The following RAB5IF variants were observed in gnomAD, a reference collection of about 807,000 sequenced individuals.
RAB5IF encodes RAB5 interacting factor.
RAB5IF carries 15 observed loss-of-function variants against 20.3 expected under a neutral mutation model. That is an observed-to-expected ratio of 0.74 (90% CI 0.50 to 1.14). RAB5IF has a LOEUF of 1.14. RAB5IF is among the 50% of genes most tolerant of loss of function. The pLI is 0.00. For missense variants in RAB5IF, 148 were observed against 159.5 expected, an observed-to-expected ratio of 0.93 and a Z score of 0.39; for synonymous variants, 67 against 63.7, an observed-to-expected ratio of 1.05 and a Z score of -0.25.
rs1555790838 is a variant in RAB5IF, at chr20:36,609,219, G to GCACACA, written c.219-350_219-345dup. ...CGCACACACGCACACACGCACACAC[G>GCACACA]CACACACACACACACACACACACAC... On this transcript the variant is annotated intron_variant, in intron 2 of 3. Transcript: ENST00000344795. 1.1e-3 allele frequency among the ~76,000 whole-genome samples: 45 copies of GCACACA among 42,792 alleles called. 2 individuals carry two copies. Among genetic ancestry groups the GCACACA allele is most frequent in the South Asian group, 1.8e-3 (2 of 1,092 alleles). The allele number at this position is 42,792 out of a possible 152,430, so 28.1% of individuals were successfully genotyped here.
intron 2 of RAB5IF, chr20:36,608,068 A>G (rs768169346): frequency 3.2e-5 from 29 of 906,966 alleles, no homozygotes; most frequent in Non-Finnish European, 4.3e-5. Flanking sequence ...GTCTAAAGTG[A>G]CCTCATGCAA....
chr20:36,608,250 A>G (rs1473982770), intron 2 of RAB5IF: 1 of 268,820 alleles, frequency 3.7e-6, no homozygotes, highest in East Asian at 9.1e-5. Flanking sequence ...AGGTCCCTCC[A>G]TTTTGTTTTT....
intron 2 of RAB5IF, among the ~76,000 whole-genome samples, chr20:36,609,252 C>T (rs1568595774): frequency 6.3e-4 from 85 of 135,928 alleles, no homozygotes; most frequent in African/African-American, 2.6e-3. Flanking sequence ...CACACACACA[C>T]ACACTATATA....
Position 36,612,238 on chromosome 20 carries a change from C to T in RAB5IF, c.*187C>T. The T allele has an allele frequency of 3.1e-6, 5 of 1,610,868 alleles. No homozygotes were observed. Among genetic ancestry groups the T allele is most frequent in the Non-Finnish European group, 4.2e-6 (5 of 1,177,012 alleles). ...TTGTGACCTGAAACTTTTTAAAAACCACCCACCTTTGGGGAAGCATTTCTG... is the reference window on the plus strand; with the variant it reads ...TTGTGACCTGAAACTTTTTAAAAACTACCCACCTTTGGGGAAGCATTTCTG... On this transcript the variant is annotated 3_prime_UTR_variant, in exon 4 of 4. Transcript: ENST00000344795.
At chr20:36,609,185 A>ACACACACACACACACACACACC (rs2039021825) in intron 2 of RAB5IF, among the ~76,000 whole-genome samples, 1 of 47,954 alleles carries the variant, frequency 2.1e-5, no homozygotes, top group Non-Finnish European at 4.1e-5. Flanking sequence ...ACACACACAC[A>ACACACACACACACACACACACC]CACACACACG....
rs2039067842 is a variant in RAB5IF at position 36,609,915 on chromosome 20, C to T, written c.348+185C>T. 11 of 933,922 alleles carry T rather than the reference C, an allele frequency of 1.2e-5. No individual in the cohort carries two copies. In the East Asian group the frequency reaches 2.8e-4, roughly 24 times the overall value. The allele number at this position is 933,922 out of a possible 1,614,324, so 57.9% of individuals were successfully genotyped here. A position where few individuals can be genotyped will look rare whatever the true frequency, so the allele number is the denominator to read the frequency against. On this transcript the variant is annotated intron_variant, in intron 3 of 3. Transcript: ENST00000344795. Reference sequence around the variant, plus strand: ...AGAAGATGTGGTCTGATATACTGTACAGTCCCCTGTAATGTGTAAATCCAG... The same window carrying T: ...AGAAGATGTGGTCTGATATACTGTATAGTCCCCTGTAATGTGTAAATCCAG...
chr20:36,611,515 A>AC (rs986583167), intron 3 of RAB5IF, among the ~76,000 whole-genome samples: 15 of 150,054 alleles, frequency 1.0e-4, no homozygotes, highest in Admixed American at 3.3e-4. Context: ...AAAAAAAAAA[A>AC]CCACAAAACC....
intron 2 of RAB5IF, 193 bp downstream of exon 2, chr20:36,608,011 T>TTACCTTCC (rs1196101945): frequency 6.9e-7 from 1 of 1,448,706 alleles, no homozygotes; most frequent in Non-Finnish European, 9.2e-7. Flanking sequence ...GTCAGGCAGG[T>TTACCTTCC]TACCTTCCTG....
Position 36,612,360 on chromosome 20 carries a change from T to A in RAB5IF, c.*309T>A, listed in dbSNP as rs2039145620. ...TCATTTAATTTGATGCACCTCTGGA[T>A]TCAGATGAAACATTAAATTGTCTTC... is the stretch of plus-strand genomic sequence containing the variant. On this transcript the variant is annotated 3_prime_UTR_variant, in exon 4 of 4. Transcript: ENST00000344795. The A allele has an allele frequency of 1.3e-6, 1 of 771,550 alleles. No homozygotes were observed. Among genetic ancestry groups the A allele is most frequent in the Non-Finnish European group, 2.2e-6 (1 of 456,902 alleles). 47.8% of individuals were successfully genotyped at this position (771,550 alleles called of 1,614,324 possible).
rs1350051802 is a variant in RAB5IF at position 36,609,224 on chromosome 20, C to T, written c.219-377C>T. 5.9e-3 allele frequency among the ~76,000 whole-genome samples: 714 copies of T among 120,168 alleles called. 26 individuals carry two copies. Among genetic ancestry groups the T allele is most frequent in the African/African-American group, 0.024 (660 of 27,346 alleles). The allele number at this position is 120,168 out of a possible 152,430, so 78.8% of individuals were successfully genotyped here. On this transcript the variant is annotated intron_variant, in intron 2 of 3. Transcript: ENST00000344795. ...ACACGCACACACGCACACACGCACA[C>T]ACACACACACACACACACACACACA... is the stretch of plus-strand genomic sequence containing the variant.
At chr20:36,606,364 T>A (rs903230369) in intron 1 of RAB5IF, among the ~76,000 whole-genome samples, 5 of 152,236 alleles carry the variant, frequency 3.3e-5, no homozygotes, top group Non-Finnish European at 7.3e-5. Flanking sequence ...GGGAGCTGAA[T>A]TCGATTCGGC....
intron 2 of RAB5IF, among the ~76,000 whole-genome samples, chr20:36,609,258 A>ACAC (rs1555790847): frequency 3.0e-5 from 3 of 99,150 alleles, no homozygotes; most frequent in Non-Finnish European, 6.2e-5. Flanking sequence ...CACACACACT[A>ACAC]TATATAGAGT....
At chr20:36,607,648 T>G in intron 1 of RAB5IF, 67 bp from the exon 2 acceptor site, 3 of 1,585,754 alleles carry the variant, frequency 1.9e-6, no homozygotes, top group Non-Finnish European at 2.6e-6. Context: ...AGGTTTAATA[T>G]TCTCCCCTTT....
chr20:36,607,921 G>A, intron 2 of RAB5IF, 103 bp downstream of exon 2: 1 of 1,554,580 alleles, frequency 6.4e-7, no homozygotes, highest in East Asian at 2.4e-5. Context: ...AGCTGTGTGT[G>A]TGTGTGATGA....
At chr20:36,609,156 T>TACATACACACACACACACACACAC in intron 2 of RAB5IF, among the ~76,000 whole-genome samples, 5 of 17,064 alleles carry the variant, frequency 2.9e-4, no homozygotes, top group Admixed American at 1.2e-3. Context: ...AGAACTATAT[T>TACATACACACACACACACACACAC]ACACACACAC....
chr20:36,611,244 G>T (rs1331768941), intron 3 of RAB5IF, among the ~76,000 whole-genome samples: 1 of 151,978 alleles, frequency 6.6e-6, no homozygotes, highest in Admixed American at 6.6e-5. Flanking sequence ...GCCTGCTTCC[G>T]CCTCCCAAAG....
intron 3 of RAB5IF, among the ~76,000 whole-genome samples, chr20:36,611,585 T>G (rs2147969139): frequency 6.6e-6 from 1 of 150,582 alleles, no homozygotes; most frequent in African/African-American, 2.4e-5. Context: ...TGCTGGGGCA[T>G]CTATATGTTT....
chr20:36,611,493 CAAAAA>C (rs60975859), intron 3 of RAB5IF, among the ~76,000 whole-genome samples: 2 of 46,518 alleles, frequency 4.3e-5, no homozygotes, highest in Admixed American at 2.3e-4. Context: ...CAGCAGGACT[CAAAAA>C]AAAAAAAAAA....
Position 36,611,997 on chromosome 20 carries a change from G to A in RAB5IF, c.349-13G>A, listed in dbSNP as rs201445265. The stretch of plus-strand genomic sequence containing the variant: ...GCCAGGTGACCTATGAACAGTGCTT[G>A]TCTCCTCACTAGGTCATTTGGATCA... On this transcript the variant is annotated splice_polypyrimidine_tract_variant and intron_variant, in intron 3 of 3. Transcript: ENST00000344795. 2.5e-6 allele frequency: 4 copies of A among 1,614,112 alleles called. No individual in the cohort carries two copies. Among genetic ancestry groups the A allele is most frequent in the Admixed American group, 1.7e-5 (1 of 60,008 alleles).
Sources: gnomAD v4.1 joint callset for allele counts (sites outside exome capture counted in the v4.1 genomes callset) on GRCh38, gnomAD v4.1.1 for gene constraint, MANE v1.5 for transcripts, NCBI Gene and HGNC (gene_info 2026-07-23, HGNC 2026-07-21) for gene names.